CMTR1: variants seen among roughly 807,000 people sequenced by gnomAD.
CMTR1 encodes cap methyltransferase 1, also known as cap-specific mRNA (nucleoside-2'-O-)-methyltransferase 1.
In CMTR1, 39 loss-of-function variants were observed where a neutral mutation model predicts 107.0. The observed-to-expected ratio is 0.36, with a 90% CI of 0.28 to 0.48. The LOEUF (loss-of-function observed/expected upper bound fraction) is 0.48, where lower values mean the gene tolerates loss of function less well. CMTR1 is among the 20% of genes least tolerant of loss of function. The pLI is 0.99. For missense variants in CMTR1, 672 were observed against 1,064.9 expected (o/e 0.63, Z 5.14); for synonymous variants, 366 against 379.5 (o/e 0.96, Z 0.41).
At position 37,453,456 on chromosome 6, in the gene CMTR1, C is replaced by T; in HGVS notation, c.777+144C>T. On this transcript the variant is annotated intron_variant, in intron 8 of 23. Coordinates refer to ENST00000373451, the MANE Select transcript of CMTR1 (RefSeq NM_015050.3). ...TTGCTTTGAGCTCCTCAGATAGGGT[C>T]CCACAGTGCTTCTGTGGTCCCAGGA... 2 of 743,244 alleles carry T rather than the reference C, an allele frequency of 2.7e-6. 1 individual carries two copies. The highest frequency in any genetic ancestry group is 4.6e-6 in the Non-Finnish European group (2 of 435,056). 46.0% of individuals were successfully genotyped at this position (743,244 alleles called of 1,614,324 possible). A position where few individuals can be genotyped will look rare whatever the true frequency, so the allele number is the denominator to read the frequency against.
chr6:37,461,883 A>G, intron 11 of CMTR1, 87 bp from the exon 12 acceptor site: 2 of 1,469,274 alleles, frequency 1.4e-6, no homozygotes, highest in Non-Finnish European at 1.9e-6. Context: ...GGTTTCCTTG[A>G]CTTTGTCATA....
intron 8 of CMTR1, among the ~76,000 whole-genome samples, chr6:37,456,386 G>A (rs1004249496): frequency 6.6e-6 from 1 of 152,214 alleles, no homozygotes; most frequent in Admixed American, 6.5e-5. Context: ...GGGAAAGAAC[G>A]ATTAAGACCC....
At position 37,458,643 on chromosome 6, in the gene CMTR1, T is replaced by A; in HGVS notation, c.809T>A (p.Leu270His). ...KPLVKDREAE[L>H]LYFADVCAGP... is the part of the protein sequence containing the mutation. ...CTGGTGAAGGACCGGGAAGCTGAGCTTCTGTACTTTGCTGATGTCTGCGCA... is the reference window on the plus strand; with the variant it reads ...CTGGTGAAGGACCGGGAAGCTGAGCATCTGTACTTTGCTGATGTCTGCGCA... The change falls in exon 9 of 24, where the codon CTT (leucine) becomes CAT (histidine). Residue 270 changes from leucine (L) to histidine (H), a missense_variant. This residue lies in a region of CMTR1 where 583 missense variants were observed against 968.4 expected (regional missense o/e 0.60). Transcript: ENST00000373451. This position sits in a 1 kb window ranked among gnomAD's most constrained non-coding sequence, Gnocchi z 4.7. 1 of 1,613,884 alleles carries A rather than the reference T, an allele frequency of 6.2e-7. No homozygotes were observed. Among genetic ancestry groups the A allele is most frequent in the Non-Finnish European group, 8.5e-7 (1 of 1,180,042 alleles).
Position 37,435,566 on chromosome 6 carries a change from C to T in CMTR1, c.-6-58C>T, listed in dbSNP as rs545444349. On this transcript the variant is annotated intron_variant, in intron 1 of 23. Transcript: ENST00000373451. ...GATGATTTACACTTTGGAATCCCTG[C>T]TGTGATCCCAGTGGCTGTGACCCAA... 18 of 1,553,200 alleles carry T rather than the reference C, an allele frequency of 1.2e-5. No homozygotes were observed. The Admixed American group carries it at 2.2e-4, about 19-fold the overall frequency.
In CMTR1 at chr6:37,462,074, A is replaced by G; in HGVS notation, c.1297A>G (p.Ile433Val). The part of the protein sequence containing the change: ...CFERVCLFKP[I>V]TSRPANSERY... ...TGAACGAGTTTGTCTCTTCAAGCCTATTACCAGCCGTCCTGCCAACTCAGA... is the reference window on the plus strand; with the variant it reads ...TGAACGAGTTTGTCTCTTCAAGCCTGTTACCAGCCGTCCTGCCAACTCAGA... Residue 433 changes from isoleucine to valine, a missense_variant, in exon 12 of 24, where the codon ATT becomes GTT. Ile to Val is a conservative substitution (Grantham distance 29). Transcript: ENST00000373451. 2 of 1,613,962 alleles carry G rather than the reference A, an allele frequency of 1.2e-6. No individual in the cohort carries two copies. The highest frequency in any genetic ancestry group is 1.6e-4 in the Middle Eastern group (1 of 6,062).
At chr6:37,429,144 C>T (rs1053668307), upstream of CMTR1, among the ~76,000 whole-genome samples, 1 of 152,050 alleles carries the variant, frequency 6.6e-6, no homozygotes, top group Non-Finnish European at 1.5e-5. Flanking sequence ...GATCTATCTT[C>T]AAGTTTAGTG....
chr6:37,475,247 C>A (rs2113894468), intron 18 of CMTR1, 74 bp from the exon 19 acceptor site: 1 of 1,168,548 alleles, frequency 8.6e-7, no homozygotes, highest in Non-Finnish European at 1.3e-6. Flanking sequence ...ATGGAGCCAG[C>A]ATGCCATGGT....
At chr6:37,435,883 T>G in intron 2 of CMTR1, 121 bp downstream of exon 2, 1 of 986,542 alleles carries the variant, frequency 1.0e-6, no homozygotes, top group Non-Finnish European at 1.4e-6. Context: ...AAATTAGGAA[T>G]ACTCTACAGA....
chr6:37,430,504 G>T (rs897302975), upstream of CMTR1, among the ~76,000 whole-genome samples: 1 of 151,698 alleles, frequency 6.6e-6, no homozygotes, highest in African/African-American at 2.4e-5. Context: ...ATGTCTTAAT[G>T]GTGTCTTTTG....
At chr6:37,445,045 AG>A (rs960685098) in intron 3 of CMTR1, among the ~76,000 whole-genome samples, 2 of 152,308 alleles carry the variant, frequency 1.3e-5, no homozygotes, top group African/African-American at 4.8e-5. Context: ...AAAAAAAGAA[AG>A]AAATATTATA....
chr6:37,437,158 A>G (rs1357414424), intron 2 of CMTR1, among the ~76,000 whole-genome samples: 5 of 151,882 alleles, frequency 3.3e-5, no homozygotes. Context: ...ATTGCTTTGA[A>G]TGGGACCCAA....
chr6:37,438,116 A>G (rs747797723), intron 2 of CMTR1, among the ~76,000 whole-genome samples: 2 of 152,100 alleles, frequency 1.3e-5, no homozygotes, highest in Non-Finnish European at 2.9e-5. Context: ...ATGGCGGCTT[A>G]TGCCTGTAAT....
chr6:37,435,973 T>C (rs1771520222), intron 2 of CMTR1, among the ~76,000 whole-genome samples: 1 of 152,216 alleles, frequency 6.6e-6, no homozygotes, highest in East Asian at 1.9e-4. Flanking sequence ...TAAAAAATGG[T>C]AATTTTTCCA....
intron 13 of CMTR1, among the ~76,000 whole-genome samples, chr6:37,465,547 A>T (rs948804295): frequency 5.3e-5 from 8 of 152,292 alleles, no homozygotes; most frequent in African/African-American, 1.9e-4. Flanking sequence ...TGAACATTTA[A>T]AAAAATTGAT....
chr6:37,479,302 C>G (rs1449679849), intron 23 of CMTR1, 47 bp downstream of exon 23: 1 of 1,285,132 alleles, frequency 7.8e-7, no homozygotes, highest in Non-Finnish European at 1.1e-6. Flanking sequence ...GCCTCAAGTA[C>G]TCCTGCAGGA....
intron 23 of CMTR1, 149 bp downstream of exon 23, chr6:37,479,404 G>T (rs955404808): frequency 1.4e-5 from 9 of 645,380 alleles, no homozygotes; most frequent in Non-Finnish European, 2.5e-5. Context: ...AATACTTGTG[G>T]GGATGGCAGC....
intron 20 of CMTR1, among the ~76,000 whole-genome samples, chr6:37,477,106 C>T (rs1676848878): frequency 1.3e-5 from 2 of 152,126 alleles, no homozygotes; most frequent in Non-Finnish European, 2.9e-5. Flanking sequence ...CAAACAAGAG[C>T]CCTGCATTCT....
In CMTR1 at chr6:37,453,127, C is replaced by G. The variant is rs1761220519; in HGVS notation, c.690C>G (p.Val230=). 6.2e-7 allele frequency: 1 copy of G among 1,614,034 alleles called. No homozygotes were observed. Among genetic ancestry groups the G allele is most frequent in the African/African-American group, 1.3e-5 (1 of 74,912 alleles). ...RANPYEMIRG[V]FFLNRAAMKM... Reference sequence around the variant, plus strand: ...ATCCCTATGAGATGATCCGAGGAGTCTTCTTTCTAAACAGGTTTGCTGACA... The same window carrying G: ...ATCCCTATGAGATGATCCGAGGAGTGTTCTTTCTAAACAGGTTTGCTGACA... The change falls in exon 7 of 24, where the codon GTC becomes GTG. Residue 230 remains valine, a synonymous_variant. Coordinates refer to ENST00000373451, the MANE Select transcript of CMTR1 (RefSeq NM_015050.3).
intron 4 of CMTR1, among the ~76,000 whole-genome samples, chr6:37,449,560 C>T (rs1183464345): frequency 1.3e-5 from 2 of 152,200 alleles, no homozygotes; most frequent in Non-Finnish European, 2.9e-5. Context: ...CTGCCCACCT[C>T]AGCCTCCCAA....
Sources: gnomAD v4.1 joint callset for allele counts (sites outside exome capture counted in the v4.1 genomes callset) on GRCh38, gnomAD v4.1.1 for gene constraint, gnomAD v4.1.1 regional missense constraint, Gnocchi (gnomAD v3.1) non-coding constraint, MANE v1.5 for transcripts, NCBI Gene and HGNC (gene_info 2026-07-23, HGNC 2026-07-21) for gene names.